Variants in GAB1 observed in about 807,000 individuals in gnomAD.
The protein encoded by GAB1 is GRB2-associated-binding protein 1.
In GAB1, 19 loss-of-function variants were observed where a neutral mutation model predicts 66.5. That is an observed-to-expected ratio of 0.29 (90% CI 0.20 to 0.42). The LOEUF is 0.42. Ranked by LOEUF, GAB1 falls within the 10% of genes least tolerant of loss-of-function variation. The pLI, the probability that GAB1 is intolerant of heterozygous loss-of-function variation, is 1.00. For synonymous variants in GAB1, 294 were observed against 301.4 expected, an observed-to-expected ratio of 0.98 and a Z score of 0.25; for missense variants, 732 against 858.5, an observed-to-expected ratio of 0.85 and a Z score of 1.84.
rs551949960 is a variant in GAB1, at chr4:143,343,051, C to T, written c.72+5791C>T. The stretch of plus-strand genomic sequence containing the variant: ...GATGTTTTGCTATAGTGGAAGGAAA[C>T]TCAGACTGAGTGTCAGGACCCGGAT... On this transcript the variant is annotated intron_variant, in intron 1 of 9. Transcript: ENST00000262994. Among the ~76,000 whole-genome samples, 5 of 152,268 alleles carry T rather than the reference C, an allele frequency of 3.3e-5. No homozygotes were observed. In the South Asian group the frequency reaches 1.0e-3, roughly 32 times the overall value.
rs912368111 is a variant in GAB1 at position 143,447,402 on chromosome 4, C to T, written c.1585+7020C>T. Among the ~76,000 whole-genome samples the T allele has an allele frequency of 3.5e-4, 53 of 152,114 alleles. 1 individual carries two copies. Among genetic ancestry groups the T allele is most frequent in the East Asian group, 1.9e-4 (1 of 5,200 alleles). On this transcript the variant is annotated intron_variant, in intron 6 of 9. Transcript: ENST00000262994. ...ACCTTGGGCAGTATGGCTGTTTTCA[C>T]GATATTGATTCTTCCTACCGATGAG... is the stretch of plus-strand genomic sequence containing the variant.
At chr4:143,444,277 G>A (rs916361258) in intron 6 of GAB1, among the ~76,000 whole-genome samples, 4 of 152,114 alleles carry the variant, frequency 2.6e-5, no homozygotes, top group Non-Finnish European at 5.9e-5. Context: ...AGCTGTGTGA[G>A]CCCCACATGC....
intron 1 of GAB1, among the ~76,000 whole-genome samples, chr4:143,362,106 A>G (rs1729686636): frequency 6.6e-6 from 1 of 151,770 alleles, no homozygotes. Context: ...AGGAAAGTTC[A>G]GATGCTGGGT....
chr4:143,415,680 G>T lies in GAB1; in HGVS notation c.276G>T (p.Arg92=), dbSNP rs753349333. 1.2e-6 allele frequency: 2 copies of T among 1,613,996 alleles called. No individual in the cohort carries two copies. The highest frequency in any genetic ancestry group is 1.7e-6 in the Non-Finnish European group (2 of 1,179,896). Residue 92 remains arginine (R), a synonymous_variant, in exon 2 of 10, where the codon CGG becomes CGT. Coordinates refer to ENST00000262994, the MANE Select transcript of GAB1 (RefSeq NM_002039.4). ...TTTTTGATATCAACACTATTGACCGGATTTTCTACTTGGTAGCAGACAGCG... is the reference window on the plus strand; with the variant it reads ...TTTTTGATATCAACACTATTGACCGTATTTTCTACTTGGTAGCAGACAGCG... ...SYIFDINTID[R]IFYLVADSEE... is the part of the protein sequence containing the mutation.
At chr4:143,387,789 A>G (rs767867202) in intron 1 of GAB1, among the ~76,000 whole-genome samples, 19 of 152,126 alleles carry the variant, frequency 1.2e-4, no homozygotes, top group Non-Finnish European at 2.5e-4. Flanking sequence ...TTACCTACTC[A>G]GTAAAGCCAA....
At chr4:143,348,386 A>C (rs1287682907) in intron 1 of GAB1, among the ~76,000 whole-genome samples, 1 of 152,218 alleles carries the variant, frequency 6.6e-6, no homozygotes, top group Admixed American at 6.5e-5. Context: ...CCTTTCCCTT[A>C]AACCTGGTCC....
intron 6 of GAB1, among the ~76,000 whole-genome samples, chr4:143,449,210 C>G (rs1023463011): frequency 8.6e-5 from 13 of 150,538 alleles, no homozygotes; most frequent in Admixed American, 2.6e-4. Flanking sequence ...TTACTTCCAA[C>G]TATGTGGTCA....
chr4:143,457,595 C>CTTTTTTT (rs144852070), intron 6 of GAB1: 1 of 284,522 alleles, frequency 3.5e-6, no homozygotes, highest in Non-Finnish European at 6.1e-6. Flanking sequence ...GGCTCTGTTG[C>CTTTTTTT]TTTTTTTTTT....
intron 1 of GAB1, among the ~76,000 whole-genome samples, chr4:143,367,655 A>G (rs956532215): frequency 1.4e-5 from 2 of 147,916 alleles, no homozygotes; most frequent in Non-Finnish European, 3.0e-5. Context: ...TATGTCTTCC[A>G]TGTTTTTTGA....
chr4:143,421,646 CAGAG>C (rs1344393591), intron 2 of GAB1, among the ~76,000 whole-genome samples: 1 of 150,440 alleles, frequency 6.6e-6, no homozygotes, highest in African/African-American at 2.4e-5. Flanking sequence ...CCAATTCAAC[CAGAG>C]AGTTTTTAGG....
rs547119107 is a variant in GAB1 at position 143,411,088 on chromosome 4, T to A, written c.73-4389T>A. Among the ~76,000 whole-genome samples, 3 of 152,190 alleles carry A rather than the reference T, an allele frequency of 2.0e-5. No homozygotes were observed. The South Asian group carries it at 6.2e-4, about 32-fold the overall frequency. ...AGAGTGTTTGGGAAACTACAAGTAT[T>A]TCCAATGTGGTTGGAAGGCAGAGGG... is the stretch of plus-strand genomic sequence containing the variant. On this transcript the variant is annotated intron_variant, in intron 1 of 9. Coordinates refer to ENST00000262994, the MANE Select transcript of GAB1 (RefSeq NM_002039.4).
intron 2 of GAB1, among the ~76,000 whole-genome samples, chr4:143,420,195 C>T (rs552681743): frequency 1.6e-4 from 24 of 152,136 alleles, no homozygotes; most frequent in Admixed American, 4.6e-4. Flanking sequence ...GCTGACTGTC[C>T]TACTGTTGGC....
chr4:143,379,477 C>G (rs1730566665), intron 1 of GAB1, among the ~76,000 whole-genome samples: 1 of 152,086 alleles, frequency 6.6e-6, no homozygotes, highest in South Asian at 2.1e-4. Flanking sequence ...TAACTATGTG[C>G]TGAGACCCTA....
intron 9 of GAB1, among the ~76,000 whole-genome samples, chr4:143,467,343 A>G (rs750974850): frequency 6.6e-6 from 1 of 152,220 alleles, no homozygotes; most frequent in Non-Finnish European, 1.5e-5. Flanking sequence ...GGTTCACTAC[A>G]ATACGTCTAG....
chr4:143,410,049 C>CTT (rs924263767), intron 1 of GAB1, among the ~76,000 whole-genome samples: 2 of 142,184 alleles, frequency 1.4e-5, no homozygotes, highest in African/African-American at 5.1e-5. Flanking sequence ...AAACCCCAAG[C>CTT]TTTTTTTTTT....
In GAB1 at chr4:143,425,520, A is replaced by G. The variant is rs1733297956; in HGVS notation, c.368-7971A>G. The G allele has an allele frequency of 2.0e-5, 15 of 762,354 alleles. 1 individual carries two copies. In the South Asian group the frequency reaches 2.0e-4, roughly 10 times the overall value. 47.2% of individuals were successfully genotyped at this position (762,354 alleles called of 1,614,324 possible). A position where few individuals can be genotyped will look rare whatever the true frequency, so the allele number is the denominator to read the frequency against. ...AGATTCTCCTCTGTGCCATGTGGAC[A>G]TTGCCATCCCATGCAACAACAAGGG... On this transcript the variant is annotated intron_variant, in intron 2 of 9. Transcript: ENST00000262994.
chr4:143,413,824 C>CCTTTTTTTTTTTTTTTTTTT lies in GAB1; in HGVS notation c.73-1653_73-1652insCTTTTTTTTTTTTTTTTTTT, dbSNP rs61697817. On this transcript the variant is annotated intron_variant, in intron 1 of 9. Transcript: ENST00000262994. ...AGAGCATCCCCACCACCCCGCTGCC[C>CCTTTTTTTTTTTTTTTTTTT]TTTTTTTTTTTTTTTTTTTTTTTTG... 2.4e-4 allele frequency among the ~76,000 whole-genome samples: 16 copies of CCTTTTTTTTTTTTTTTTTTT among 67,820 alleles called. 1 individual carries two copies. The highest frequency in any genetic ancestry group is 1.4e-3 in the African/African-American group (15 of 10,614). 44.5% of individuals were successfully genotyped at this position (67,820 alleles called of 152,430 possible).
chr4:143,349,477 T>G, intron 1 of GAB1: 3 of 1,511,424 alleles, frequency 2.0e-6, no homozygotes, highest in Non-Finnish European at 2.7e-6. Flanking sequence ...AGTGCAGCCC[T>G]GGGCTGGGGT....
At position 143,348,910 on chromosome 4, in the gene GAB1, A is replaced by G. The variant is rs188970376; in HGVS notation, c.72+11650A>G. Among the ~76,000 whole-genome samples the G allele has an allele frequency of 5.6e-4, 85 of 152,128 alleles. 1 individual carries two copies. Among genetic ancestry groups the G allele is most frequent in the Admixed American group, 2.9e-3 (45 of 15,288 alleles). Reference sequence around the variant, plus strand: ...CTCTCCTCTCCTCCAGGAGTCCTTGACACTCTCTTTTCTGTCTCACAACCA... The same window carrying G: ...CTCTCCTCTCCTCCAGGAGTCCTTGGCACTCTCTTTTCTGTCTCACAACCA... On this transcript the variant is annotated intron_variant, in intron 1 of 9. Coordinates refer to ENST00000262994, the MANE Select transcript of GAB1 (RefSeq NM_002039.4).
Sources: gnomAD v4.1 joint callset for allele counts (sites outside exome capture counted in the v4.1 genomes callset) on GRCh38, gnomAD v4.1.1 for gene constraint, MANE v1.5 for transcripts, NCBI Gene and HGNC (gene_info 2026-07-23, HGNC 2026-07-21) for gene names.